SMARCC2: variants seen among roughly 807,000 people sequenced by gnomAD.
SMARCC2 encodes SWI/SNF complex subunit SMARCC2.
In SMARCC2, 15 loss-of-function variants were observed where a neutral mutation model predicts 151.3. The observed-to-expected ratio is 0.10, with a 90% confidence interval of 0.07 to 0.15. The LOEUF (loss-of-function observed/expected upper bound fraction) is 0.15. Among genes scored for constraint, SMARCC2 ranks in the 10% least tolerant of loss-of-function variants. The probability of loss-of-function intolerance (pLI) is 1.00; values close to 1 mark genes in which losing one functional copy is unlikely to be tolerated. For missense variants in SMARCC2, 1,031 were observed against 1,599.7 expected (o/e 0.64, Z 6.06); for synonymous variants, 590 against 609.5 (o/e 0.97, Z 0.47).
chr12:56,180,001 T>G (rs896985791), intron 11 of SMARCC2, among the ~76,000 whole-genome samples: 1 of 152,108 alleles, frequency 6.6e-6, no homozygotes, highest in African/African-American at 2.4e-5. Flanking sequence ...TGTTTGTTTT[T>G]ATCATTCTTT....
chr12:56,180,249 C>A (rs1875902682), intron 11 of SMARCC2, among the ~76,000 whole-genome samples: 1 of 151,538 alleles, frequency 6.6e-6, no homozygotes, highest in Non-Finnish European at 1.5e-5. Flanking sequence ...GCTAGGACTA[C>A]AGGCACCCGC....
chr12:56,186,291 T>C lies in SMARCC2; in HGVS notation c.232-51A>G, dbSNP rs370386402. On this transcript the variant is annotated intron_variant, in intron 2 of 28. Coordinates refer to ENST00000550164, the MANE Select transcript of SMARCC2 (RefSeq NM_001330288.2). ...CATGTCAAGGTTCCACTGTAAATTC[T>C]CTCATCACTTAATAATCTAATAATC... is the stretch of plus-strand genomic sequence containing the variant. 2.1e-5 allele frequency: 22 copies of C among 1,061,994 alleles called. No individual in the cohort carries two copies. In the African/African-American group the frequency reaches 3.4e-4, roughly 17 times the overall value. 65.8% of individuals were successfully genotyped at this position (1,061,994 alleles called of 1,614,324 possible).
intron 22 of SMARCC2, 24 bp from the exon 23 acceptor site, chr12:56,170,232 A>T: frequency 6.2e-7 from 1 of 1,603,034 alleles, no homozygotes; most frequent in South Asian, 1.1e-5. Context: ...AAAAGAAAGA[A>T]AACAGGAAAT....
At position 56,184,220 on chromosome 12, in the gene SMARCC2, T is replaced by C. The variant is rs761591753; in HGVS notation, c.517A>G (p.Asn173Asp). The C allele has an allele frequency of 3.1e-6, 5 of 1,613,598 alleles. No homozygotes were observed. In the East Asian group the frequency reaches 8.9e-5, roughly 29 times the overall value. Residue 173 changes from asparagine (N) to aspartate (D), a missense_variant, in exon 6 of 29, where the codon AAT becomes GAT. Around this residue, in one of 12 missense-constraint regions of SMARCC2, gnomAD observed 123 missense variants for 190.4 expected, o/e 0.65. Transcript: ENST00000550164. ...ACAGGATACACAACATGGGAGGCATTGTTCTTATCCTCAGTGACTGTTCCC... is the reference window on the plus strand; with the variant it reads ...ACAGGATACACAACATGGGAGGCATCGTTCTTATCCTCAGTGACTGTTCCC... ...HQGTVTEDKNNASHVVYPVPG... is the reference protein window; with the variant it reads ...HQGTVTEDKNDASHVVYPVPG...
rs755286551 is a variant in SMARCC2 at position 56,181,083 on chromosome 12, A to G, written c.975T>C (p.Thr325=). 2 of 1,613,452 alleles carry G rather than the reference A, an allele frequency of 1.2e-6. No homozygotes were observed. Among genetic ancestry groups the G allele is most frequent in the Admixed American group, 3.3e-5 (2 of 59,870 alleles). ...NAKKGPSTPY[T]KSKRGHREEE... ...CTTCTCTGTGGCCACGCTTTGACTT[A>G]GTGTAAGGTGTTGAGGGACTGGGAA... Residue 325 remains threonine, a synonymous_variant, in exon 11 of 29, where the codon ACT becomes ACC. Transcript: ENST00000550164.
At chr12:56,172,366 G>A in intron 20 of SMARCC2, 62 bp downstream of exon 20, 1 of 1,431,282 alleles carries the variant, frequency 7.0e-7, no homozygotes, top group Non-Finnish European at 9.5e-7. Flanking sequence ...ACAGGCGTGA[G>A]CCTCTACACG....
chr12:56,164,936 C>T lies in SMARCC2; in HGVS notation c.3233-205G>A, dbSNP rs1252144455. Reference sequence around the variant, plus strand: ...CCGAGTAGCTGGTACTACATGTACGCACCACCACGCCCAGCTAATTTTTGT... The same window carrying T: ...CCGAGTAGCTGGTACTACATGTACGTACCACCACGCCCAGCTAATTTTTGT... On this transcript the variant is annotated intron_variant, in intron 27 of 28. Coordinates refer to ENST00000550164, the MANE Select transcript of SMARCC2 (RefSeq NM_001330288.2). Among the ~76,000 whole-genome samples the T allele has an allele frequency of 2.0e-5, 3 of 152,212 alleles. No individual in the cohort carries two copies. In the East Asian group the frequency reaches 5.8e-4, roughly 29 times the overall value.
rs746084590 is a variant in SMARCC2 at position 56,165,540 on chromosome 12, G to C, written c.3010C>G (p.Pro1004Ala). ...PALPPGSQPI[P>A]PTGAAGPPAV... Reference sequence around the variant, plus strand: ...GGTGGCCCAGCAGCCCCTGTTGGGGGGATAGGCTGGGAGCCTGGGGGCAGG... The same window carrying C: ...GGTGGCCCAGCAGCCCCTGTTGGGGCGATAGGCTGGGAGCCTGGGGGCAGG... Residue 1004 changes from proline (P) to alanine (A), a missense_variant, in exon 27 of 29, where the codon CCC (proline) becomes GCC (alanine). Physicochemically the swap from Pro to Ala is conservative, Grantham distance 27. This residue lies in a region of SMARCC2 where 310 missense variants were observed against 350.0 expected (regional missense o/e 0.89). Coordinates refer to ENST00000550164, the MANE Select transcript of SMARCC2 (RefSeq NM_001330288.2). The C allele has an allele frequency of 4.3e-6, 7 of 1,611,366 alleles. No individual in the cohort carries two copies. The South Asian group carries it at 7.7e-5, about 18-fold the overall frequency.
rs560976700 is a variant in SMARCC2, at chr12:56,174,863, T to C, written c.1383-99A>G. 1.6e-4 allele frequency: 122 copies of C among 752,532 alleles called. No homozygotes were observed. The African/African-American group carries it at 1.9e-3, about 12-fold the overall frequency. 46.6% of individuals were successfully genotyped at this position (752,532 alleles called of 1,614,324 possible). On this transcript the variant is annotated intron_variant, in intron 15 of 28. Coordinates refer to ENST00000550164, the MANE Select transcript of SMARCC2 (RefSeq NM_001330288.2). ...AAGAGAGCTAATGACTTCTCCTGCATGATAAAGATGGAAAAAAGTAGATTA... is the reference window on the plus strand; with the variant it reads ...AAGAGAGCTAATGACTTCTCCTGCACGATAAAGATGGAAAAAAGTAGATTA...
At chr12:56,183,960 A>T in intron 6 of SMARCC2, 30 bp from the exon 7 acceptor site, 1 of 1,549,050 alleles carries the variant, frequency 6.5e-7, no homozygotes, top group Non-Finnish European at 8.9e-7. Context: ...AGGGAGAGAT[A>T]TAAGCTAAAG....
intron 2 of SMARCC2, 174 bp downstream of exon 2, chr12:56,187,013 G>A (rs1198195229): frequency 1.7e-6 from 1 of 572,222 alleles, no homozygotes; most frequent in African/African-American, 1.9e-5. Context: ...AAAAAGAATG[G>A]TAAACTGGAG....
rs1179040103 is a variant in SMARCC2, at chr12:56,162,432, C to A, written c.*1257G>T. The A allele has an allele frequency of 4.8e-6, 3 of 627,896 alleles. No individual in the cohort carries two copies. The highest frequency in any genetic ancestry group is 8.4e-6 in the Non-Finnish European group (3 of 357,514). 38.9% of individuals were successfully genotyped at this position (627,896 alleles called of 1,614,324 possible). On this transcript the variant is annotated 3_prime_UTR_variant, in exon 29 of 29. Transcript: ENST00000550164. Reference sequence around the variant, plus strand: ...AAAAAAAGAGAAAATTTACAGAAAACTTTGAACAGAAGAAAGGTGCTAAGA... The same window carrying A: ...AAAAAAAGAGAAAATTTACAGAAAAATTTGAACAGAAGAAAGGTGCTAAGA...
In SMARCC2 at chr12:56,162,666, A is replaced by G; in HGVS notation, c.*1023T>C. On this transcript the variant is annotated 3_prime_UTR_variant, in exon 29 of 29. Transcript: ENST00000550164. ...TTGGGCACCCTCTTCCACTGCTCCC[A>G]AATCCCTGCATCCTCATCTGGGGAG... 4.0e-6 allele frequency: 1 copy of G among 248,214 alleles called. No homozygotes were observed. The highest frequency in any genetic ancestry group is 7.8e-6 in the Non-Finnish European group (1 of 128,578). The allele number at this position is 248,214 out of a possible 1,614,324, so 15.4% of individuals were successfully genotyped here. A position where few individuals can be genotyped will look rare whatever the true frequency, so the allele number is the denominator to read the frequency against.
At position 56,169,544 on chromosome 12, in the gene SMARCC2, G is replaced by A. The variant is rs200925749; in HGVS notation, c.2700C>T (p.Ala900=). Residue 900 remains alanine (A), a synonymous_variant, in exon 25 of 29, where the codon GCC becomes GCT. Coordinates refer to ENST00000550164, the MANE Select transcript of SMARCC2 (RefSeq NM_001330288.2). ...CTGGCCTCACCTTAGCTTTCACTGCGGCGGCGGCCAGGGCGGCGGCAGCAG... is the reference window on the plus strand; with the variant it reads ...CTGGCCTCACCTTAGCTTTCACTGCAGCGGCGGCCAGGGCGGCGGCAGCAG... ...STAAAAALAA[A]AVKAKHLAAV... 1.9e-5 allele frequency: 30 copies of A among 1,614,068 alleles called. No individual in the cohort carries two copies. Among genetic ancestry groups the A allele is most frequent in the Middle Eastern group, 3.3e-4 (2 of 6,062 alleles).
Position 56,171,143 on chromosome 12 carries a change from TA to T in SMARCC2, c.2347+127del. 2 of 881,158 alleles carry T rather than the reference TA, an allele frequency of 2.3e-6. No homozygotes were observed. Among genetic ancestry groups the T allele is most frequent in the East Asian group, 2.6e-5 (1 of 38,742 alleles). 54.6% of individuals were successfully genotyped at this position (881,158 alleles called of 1,614,324 possible). ...CCCTGAGGTAAACTCATGGGGAAAA[TA>T]AAAACCCTACCAATGTTCTCATTCA... On this transcript the variant is annotated intron_variant, in intron 22 of 28. Transcript: ENST00000550164. This position sits in a 1 kb window ranked among gnomAD's most constrained non-coding sequence, Gnocchi z 4.2.
chr12:56,177,246 G>A lies in SMARCC2; in HGVS notation c.1382+776C>T, dbSNP rs554679606. On this transcript the variant is annotated intron_variant, in intron 15 of 28. Transcript: ENST00000550164. ...GGCGTGAGCCACCACACCCAGCCTT[G>A]TTCATTAATTTTTTTAGATACGGGG... Among the ~76,000 whole-genome samples, 379 of 152,212 alleles carry A rather than the reference G, an allele frequency of 2.5e-3. 4 individuals are homozygous for A. The highest frequency in any genetic ancestry group is 8.8e-3 in the African/African-American group (364 of 41,518).
In SMARCC2 at chr12:56,172,579, T is replaced by G; in HGVS notation, c.1863+6A>C. ...TCTACCCCTAGAGTCGGCCCGCACCTCCTACCTTGGAGGGAACATTCTTTT... is the reference window on the plus strand; with the variant it reads ...TCTACCCCTAGAGTCGGCCCGCACCGCCTACCTTGGAGGGAACATTCTTTT... On this transcript the variant is annotated splice_donor_region_variant and intron_variant, in intron 19 of 28. Coordinates refer to ENST00000550164, the MANE Select transcript of SMARCC2 (RefSeq NM_001330288.2). 6.2e-7 allele frequency: 1 copy of G among 1,614,200 alleles called. No individual in the cohort carries two copies. The highest frequency in any genetic ancestry group is 8.5e-7 in the Non-Finnish European group (1 of 1,180,028).
rs200224449 is a variant in SMARCC2 at position 56,181,536 on chromosome 12, C to T, written c.902G>A (p.Arg301His). The change falls in exon 10 of 29, where the codon CGC becomes CAC. Residue 301 changes from arginine (R) to histidine (H), a missense_variant. Coordinates refer to ENST00000550164, the MANE Select transcript of SMARCC2 (RefSeq NM_001330288.2). ...TGGGGTTGGTGAAGGAGAGGGGGAG[C>T]GCTTCCTCTTCTTATAGTTTCCCCC... is the stretch of plus-strand genomic sequence containing the variant. ...KKGGNYKKRK[R>H]SPSPSPTPEA... 4.4e-5 allele frequency: 69 copies of T among 1,578,942 alleles called. No homozygotes were observed. Among genetic ancestry groups the T allele is most frequent in the Middle Eastern group, 1.7e-4 (1 of 5,894 alleles).
intron 15 of SMARCC2, among the ~76,000 whole-genome samples, chr12:56,176,924 C>T (rs1444358450): frequency 6.6e-6 from 1 of 151,662 alleles, no homozygotes; most frequent in African/African-American, 2.4e-5. Context: ...CGGGTTCAAG[C>T]GATTCTCCTG....
Sources: allele counts gnomAD v4.1 joint callset (sites outside exome capture counted in the v4.1 genomes callset), GRCh38; gene constraint gnomAD v4.1.1; regional missense constraint gnomAD v4.1.1; non-coding constraint Gnocchi (gnomAD v3.1); transcripts MANE v1.5; gene names NCBI Gene and HGNC (gene_info 2026-07-23, HGNC 2026-07-21).